ARHGAP44: variants seen among roughly 807,000 people sequenced by gnomAD.
ARHGAP44 encodes Rho GTPase activating protein 44.
Under a neutral mutation model 106.8 loss-of-function variants are expected in ARHGAP44, and 43 were observed. That is an observed-to-expected ratio of 0.40 (90% confidence interval 0.32 to 0.52). The LOEUF is 0.52. Ranked by LOEUF, ARHGAP44 falls within the 20% of genes least tolerant of loss-of-function variation. ARHGAP44 has a pLI of 0.48. For missense variants in ARHGAP44, 866 were observed against 1,050.5 expected, an observed-to-expected ratio of 0.82 and a Z score of 2.43; for synonymous variants, 439 against 410.3, an observed-to-expected ratio of 1.07 and a Z score of -0.85.
At chr17:12,951,592 A>G (rs2038992919) in intron 12 of ARHGAP44, among the ~76,000 whole-genome samples, 1 of 152,212 alleles carries the variant, frequency 6.6e-6, no homozygotes, top group Non-Finnish European at 1.5e-5. Context: ...TCCTGTTCCC[A>G]CTTCATTTGC....
At position 12,854,172 on chromosome 17, in the gene ARHGAP44, G is replaced by A. The variant is rs142249560; in HGVS notation, c.54-40768G>A. The stretch of plus-strand genomic sequence containing the variant: ...GATGACCTCAGTCCAGATGGAGATG[G>A]CACAGGAGGGTGCAGGAAGAAAACT... On this transcript the variant is annotated intron_variant, in intron 1 of 20. Coordinates refer to ENST00000379672, the MANE Select transcript of ARHGAP44 (RefSeq NM_014859.6). Among the ~76,000 whole-genome samples, 754 of 152,244 alleles carry A rather than the reference G, an allele frequency of 5.0e-3. 10 individuals carry two copies. Among genetic ancestry groups the A allele is most frequent in the African/African-American group, 0.017 (718 of 41,548 alleles).
intron 20 of ARHGAP44, chr17:12,985,784 C>T (rs1426027093): frequency 6.6e-6 from 1 of 152,218 alleles, no homozygotes; most frequent in Non-Finnish European, 1.5e-5. Flanking sequence ...AGCCAACCCA[C>T]TTAGTAAAGT....
rs762151031 is a variant in ARHGAP44 at position 12,955,979 on chromosome 17, G to A, written c.1249G>A (p.Gly417Arg). The change falls in exon 14 of 21, where the codon GGG becomes AGG. Residue 417 changes from glycine to arginine, a missense_variant and splice_region_variant. Physicochemically the swap from Gly to Arg is moderately radical, Grantham distance 125. This residue lies in a region of ARHGAP44 where 448 missense variants were observed against 646.9 expected (regional missense o/e 0.69). Transcript: ENST00000379672. ...CAACCTCCTATGGCCACAAGCAGAAGGGTAAGTACAGGGCGGAGAAGTAAT... is the reference window on the plus strand; with the variant it reads ...CAACCTCCTATGGCCACAAGCAGAAAGGTAAGTACAGGGCGGAGAAGTAAT... ...GPNLLWPQAE[G>R]NITEMMTTVS... is the part of the protein sequence containing the mutation. The A allele has an allele frequency of 1.1e-5, 17 of 1,609,582 alleles. No homozygotes were observed. The highest frequency in any genetic ancestry group is 1.4e-5 in the Non-Finnish European group (17 of 1,176,438).
At chr17:12,847,694 T>A (rs553280202) in intron 1 of ARHGAP44, among the ~76,000 whole-genome samples, 2 of 151,548 alleles carry the variant, frequency 1.3e-5, no homozygotes, top group East Asian at 3.9e-4. Context: ...TTTTTTTGTA[T>A]TTTTAGTAGA....
At chr17:12,962,888 A>G (rs935507566) in intron 16 of ARHGAP44, among the ~76,000 whole-genome samples, 5 of 152,066 alleles carry the variant, frequency 3.3e-5, no homozygotes, top group African/African-American at 1.2e-4. Context: ...TCTACTAAAA[A>G]TACAAAATTG....
chr17:12,973,913 CGGGAGCAGCCAGGGTGCT>C, intron 17 of ARHGAP44, 158 bp from the exon 18 acceptor site: 1 of 709,882 alleles, frequency 1.4e-6, no homozygotes, highest in Non-Finnish European at 2.4e-6. Flanking sequence ...TCTTGGCCGC[CGGGAGCAGCCAGGGTGCT>C]GGGAGCACAG....
chr17:12,981,345 T>C (rs1315032047), intron 19 of ARHGAP44, among the ~76,000 whole-genome samples: 1 of 151,964 alleles, frequency 6.6e-6, no homozygotes, highest in Admixed American at 6.6e-5. Context: ...TCTCAGAGCA[T>C]TTCTCCAGCA....
chr17:12,879,302 T>C lies in ARHGAP44; in HGVS notation c.54-15638T>C, dbSNP rs145419633. On this transcript the variant is annotated intron_variant, in intron 1 of 20. Transcript: ENST00000379672. ...TCCACGTTGCTGGCAATGCCATTAT[T>C]TCATTCCTTTTCATGGCTGAGTAGT... is the stretch of plus-strand genomic sequence containing the variant. 2.6e-5 allele frequency among the ~76,000 whole-genome samples: 4 copies of C among 152,354 alleles called. No individual in the cohort carries two copies. The East Asian group carries it at 7.7e-4, about 29-fold the overall frequency.
chr17:12,878,208 C>T (rs1177535229), intron 1 of ARHGAP44, among the ~76,000 whole-genome samples: 1 of 151,784 alleles, frequency 6.6e-6, no homozygotes, highest in African/African-American at 2.4e-5. Context: ...GTTTCTCTAA[C>T]TCGTTTGTTC....
At chr17:12,925,228 T>C (rs992828249) in intron 6 of ARHGAP44, among the ~76,000 whole-genome samples, 1 of 152,156 alleles carries the variant, frequency 6.6e-6, no homozygotes, top group Non-Finnish European at 1.5e-5. Flanking sequence ...GTCTGGACTT[T>C]GCTCATATGC....
In ARHGAP44 at chr17:12,812,292, A is replaced by T. The variant is rs78019736; in HGVS notation, c.53+22401A>T. The stretch of plus-strand genomic sequence containing the variant: ...GGCCAGAAATATCACGTATGGCTTG[A>T]GTAATCAGCCAGAATTCAAGGAACA... On this transcript the variant is annotated intron_variant, in intron 1 of 20. Transcript: ENST00000379672. Among the ~76,000 whole-genome samples the T allele has an allele frequency of 3.6e-3, 556 of 152,338 alleles. 4 individuals are homozygous for T. Among genetic ancestry groups the T allele is most frequent in the Middle Eastern group, 6.8e-3 (2 of 294 alleles).
rs930673786 is a variant in ARHGAP44 at position 12,789,577 on chromosome 17, C to G, written c.-262C>G. Reference sequence around the variant, plus strand: ...CAGCCCGGGCGGAGCGGGCCGGTGCCGAGGACGGCCCCAGGCATTGCTCTG... The same window carrying G: ...CAGCCCGGGCGGAGCGGGCCGGTGCGGAGGACGGCCCCAGGCATTGCTCTG... On this transcript the variant is annotated 5_prime_UTR_variant, in exon 1 of 21. Coordinates refer to ENST00000379672, the MANE Select transcript of ARHGAP44 (RefSeq NM_014859.6). The G allele has an allele frequency of 1.2e-5, 3 of 255,328 alleles. No individual in the cohort carries two copies. Among genetic ancestry groups the G allele is most frequent in the African/African-American group, 6.8e-5 (3 of 44,304 alleles). 15.8% of individuals were successfully genotyped at this position (255,328 alleles called of 1,614,324 possible). A position where few individuals can be genotyped will look rare whatever the true frequency, so the allele number is the denominator to read the frequency against.
intron 3 of ARHGAP44, among the ~76,000 whole-genome samples, chr17:12,901,341 T>C (rs1274650427): frequency 1.3e-5 from 2 of 151,936 alleles, no homozygotes; most frequent in Admixed American, 6.6e-5. Flanking sequence ...CAGGAGGACA[T>C]GGTGAGGGTT....
chr17:12,873,333 C>G (rs150644508), intron 1 of ARHGAP44, among the ~76,000 whole-genome samples: 2 of 152,324 alleles, frequency 1.3e-5, no homozygotes, highest in East Asian at 1.9e-4. Context: ...ATGCCCTCCT[C>G]CTCCAGGAAG....
intron 1 of ARHGAP44, among the ~76,000 whole-genome samples, chr17:12,841,063 G>C (rs60500717): frequency 0.23 from 34,626 of 152,032 alleles, 5,790 homozygotes; most frequent in African/African-American, 0.46. Flanking sequence ...CAGCAAGGAT[G>C]GGAAAGCCCC....
At chr17:12,957,237 C>CG (rs530093026) in intron 15 of ARHGAP44, among the ~76,000 whole-genome samples, 122 of 152,304 alleles carry the variant, frequency 8.0e-4, no homozygotes, top group Middle Eastern at 6.8e-3. Context: ...GGATTACAGG[C>CG]GTCAGCCACT....
intron 3 of ARHGAP44, among the ~76,000 whole-genome samples, chr17:12,902,694 C>A (rs191980745): frequency 2.4e-4 from 37 of 152,328 alleles, no homozygotes; most frequent in Admixed American, 1.5e-3. Context: ...GCTCTGGAAT[C>A]TGACGACCCA....
Position 12,928,980 on chromosome 17 carries a change from G to T in ARHGAP44, c.516G>T (p.Ala172=). ...GTTTGTCCAGCAGCTTACAGCCTGC[G>T]GGTGCCAAGGCTGATGCCCTCAGGG... The part of the protein sequence containing the change: ...SSGLSSSLQP[A]GAKADALREE... The change falls in exon 7 of 21, where the codon GCG becomes GCT. Residue 172 remains alanine, a synonymous_variant. Transcript: ENST00000379672. 1 of 1,613,510 alleles carries T rather than the reference G, an allele frequency of 6.2e-7. No individual in the cohort carries two copies. Among genetic ancestry groups the T allele is most frequent in the Non-Finnish European group, 8.5e-7 (1 of 1,179,688 alleles).
At chr17:12,797,819 C>T (rs949484337) in intron 1 of ARHGAP44, among the ~76,000 whole-genome samples, 11 of 152,002 alleles carry the variant, frequency 7.2e-5, no homozygotes, top group Admixed American at 1.3e-4. Context: ...GAGTATAATG[C>T]GAATTCTTCT....
Sources: gnomAD v4.1 joint callset for allele counts (sites outside exome capture counted in the v4.1 genomes callset) on GRCh38, gnomAD v4.1.1 for gene constraint, gnomAD v4.1.1 regional missense constraint, MANE v1.5 for transcripts, NCBI Gene and HGNC (gene_info 2026-07-23, HGNC 2026-07-21) for gene names.